Variants in B3GALT1 observed in about 807,000 individuals in gnomAD.
B3GALT1 encodes the protein beta-1,3-galactosyltransferase 1.
Under a neutral mutation model 23.2 loss-of-function variants are expected in B3GALT1, and 10 were observed. The observed-to-expected ratio is 0.43, with a 90% CI of 0.27 to 0.73. The LOEUF (loss-of-function observed/expected upper bound fraction) is 0.73, where lower values mean the gene tolerates loss of function less well. B3GALT1 is among the 30% of genes least tolerant of loss of function. The pLI is 0.21. For synonymous variants in B3GALT1, 156 were observed against 141.5 expected (o/e 1.10, Z -0.73); for missense variants, 299 against 405.4 (o/e 0.74, Z 2.25).
At chr2:167,299,735 C>A (rs1696415592) in intron 1 of B3GALT1, among the ~76,000 whole-genome samples, 1 of 151,780 alleles carries the variant, frequency 6.6e-6, no homozygotes, top group South Asian at 2.1e-4. Context: ...ATAGGCAGAT[C>A]CTGAAATTAT....
intron 2 of B3GALT1, among the ~76,000 whole-genome samples, chr2:167,640,978 T>C (rs1016330335): frequency 4.6e-5 from 7 of 152,162 alleles, no homozygotes; most frequent in Non-Finnish European, 7.3e-5. Context: ...ATACTTGACC[T>C]TTCTATCTAT....
At chr2:167,420,384 A>G (rs1050971201) in intron 1 of B3GALT1, among the ~76,000 whole-genome samples, 1 of 152,252 alleles carries the variant, frequency 6.6e-6, no homozygotes, top group Non-Finnish European at 1.5e-5. Flanking sequence ...GAACAACTGT[A>G]AATTTATTAG....
At chr2:167,626,329 A>G (rs1685345492) in intron 2 of B3GALT1, among the ~76,000 whole-genome samples, 1 of 151,648 alleles carries the variant, frequency 6.6e-6, no homozygotes, top group African/African-American at 2.4e-5. Flanking sequence ...AAATATGTGT[A>G]TCTTCTTTAT....
At chr2:167,494,377 G>GA (rs1345877146) in intron 2 of B3GALT1, among the ~76,000 whole-genome samples, 1 of 151,114 alleles carries the variant, frequency 6.6e-6, no homozygotes, top group African/African-American at 2.4e-5. Context: ...ATATTTTAGG[G>GA]AAAAAAATAA....
chr2:167,768,999 A>G (rs1326388777), intron 3 of B3GALT1, among the ~76,000 whole-genome samples: 1 of 152,220 alleles, frequency 6.6e-6, no homozygotes, highest in Admixed American at 6.5e-5. Flanking sequence ...ATCCTTCCAG[A>G]ATTACTTAAT....
intron 2 of B3GALT1, among the ~76,000 whole-genome samples, chr2:167,564,275 C>T (rs1217099604): frequency 6.6e-6 from 1 of 151,282 alleles, no homozygotes; most frequent in Non-Finnish European, 1.5e-5. Flanking sequence ...GGCGGCCGGG[C>T]AGAGACGCTC....
intron 1 of B3GALT1, among the ~76,000 whole-genome samples, chr2:167,419,101 A>T (rs966005498): frequency 6.6e-6 from 1 of 152,232 alleles, no homozygotes; most frequent in Non-Finnish European, 1.5e-5. Flanking sequence ...TAGGAATAGT[A>T]CATTGAAATT....
intron 2 of B3GALT1, among the ~76,000 whole-genome samples, chr2:167,504,053 A>G (rs1158236035): frequency 6.6e-6 from 1 of 152,176 alleles, no homozygotes; most frequent in African/African-American, 2.4e-5. Flanking sequence ...TACCACATCA[A>G]CACCAAGAAC....
intron 3 of B3GALT1, among the ~76,000 whole-genome samples, chr2:167,668,112 A>T (rs1243612157): frequency 1.3e-5 from 2 of 152,138 alleles, no homozygotes; most frequent in Non-Finnish European, 2.9e-5. Context: ...ATGGTGATGT[A>T]CAGATGGGTT....
intron 4 of B3GALT1, among the ~76,000 whole-genome samples, chr2:167,835,611 GACAA>G (rs1192542348): frequency 1.3e-5 from 2 of 152,236 alleles, no homozygotes; most frequent in Non-Finnish European, 2.9e-5. Flanking sequence ...GCAGGGCACA[GACAA>G]ACAAAAAGAC....
chr2:167,371,393 C>T (rs1455815687), intron 1 of B3GALT1, among the ~76,000 whole-genome samples: 2 of 152,068 alleles, frequency 1.3e-5, no homozygotes, highest in East Asian at 3.9e-4. Context: ...TTTTAAAGAT[C>T]TCCTTTGGCT....
chr2:167,831,042 C>A (rs1413442616), intron 4 of B3GALT1, among the ~76,000 whole-genome samples: 1 of 152,336 alleles, frequency 6.6e-6, no homozygotes, highest in Non-Finnish European at 1.5e-5. Context: ...AAGTTCTCTA[C>A]AAAATCTAGT....
intron 4 of B3GALT1, among the ~76,000 whole-genome samples, chr2:167,820,265 A>G (rs575393724): frequency 1.1e-4 from 17 of 152,238 alleles, no homozygotes; most frequent in Non-Finnish European, 1.6e-4. Context: ...AGCACTATGA[A>G]GAAAACAAAC....
At chr2:167,615,399 G>A (rs79609859) in intron 2 of B3GALT1, among the ~76,000 whole-genome samples, 1 of 151,908 alleles carries the variant, frequency 6.6e-6, no homozygotes, top group Non-Finnish European at 1.5e-5. Flanking sequence ...AGGGTGAGGA[G>A]AGTAGGAATT....
At chr2:167,437,942 C>T (rs1053099762) in intron 1 of B3GALT1, among the ~76,000 whole-genome samples, 2 of 152,144 alleles carry the variant, frequency 1.3e-5, no homozygotes, top group African/African-American at 4.8e-5. Context: ...CCCATTGACC[C>T]CAATGCCAAT....
intron 3 of B3GALT1, among the ~76,000 whole-genome samples, chr2:167,718,891 C>G (rs1412379005): frequency 6.6e-6 from 1 of 152,140 alleles, no homozygotes; most frequent in Non-Finnish European, 1.5e-5. Context: ...CAACAGAGAA[C>G]TTCCTGTTTC....
chr2:167,410,668 G>A (rs545922803), intron 1 of B3GALT1, among the ~76,000 whole-genome samples: 2 of 151,994 alleles, frequency 1.3e-5, no homozygotes, highest in Non-Finnish European at 2.9e-5. Context: ...GTTGATGGGT[G>A]CAGCAAACCA....
intron 3 of B3GALT1, among the ~76,000 whole-genome samples, chr2:167,770,919 C>CAG (rs1688061645): frequency 6.6e-6 from 1 of 152,154 alleles, no homozygotes; most frequent in East Asian, 1.9e-4. Context: ...GTGCCTTGCC[C>CAG]TATCTCCATT....
chr2:167,497,160 AAG>A (rs1362683421), intron 2 of B3GALT1, among the ~76,000 whole-genome samples: 2 of 152,212 alleles, frequency 1.3e-5, no homozygotes. Context: ...ATATCTAATA[AAG>A]AGAATTAAGA....
Sources: gnomAD v4.1 joint callset for allele counts (sites outside exome capture counted in the v4.1 genomes callset) on GRCh38, gnomAD v4.1.1 for gene constraint, MANE v1.5 for transcripts, NCBI Gene and HGNC (gene_info 2026-07-23, HGNC 2026-07-21) for gene names.